The following SPATA13 variants were observed in gnomAD, a reference collection of about 807,000 sequenced individuals.
SPATA13 encodes spermatogenesis associated 13.
Under a neutral mutation model 104.0 loss-of-function variants are expected in SPATA13, and 50 were observed. The ratio of observed to expected loss-of-function variants is 0.48; its 90% CI spans 0.38 to 0.61. The LOEUF (loss-of-function observed/expected upper bound fraction) is 0.61, where lower values mean the gene tolerates loss of function less well. SPATA13 is among the 20% of genes least tolerant of loss of function. The pLI is 0.00. For synonymous variants in SPATA13, 606 were observed against 667.5 expected, an observed-to-expected ratio of 0.91 and a Z score of 1.42; for missense variants, 1,524 against 1,690.6, an observed-to-expected ratio of 0.90 and a Z score of 1.73.
At position 24,088,873 on chromosome 13, in the gene SPATA13, G is replaced by A. The variant is rs185032980; in HGVS notation, c.-112+71172G>A. On this transcript the variant is annotated intron_variant, in intron 3 of 14. Coordinates refer to the SPATA13 transcript ENST00000424834. The surrounding 1 kb of genome is among the most constrained non-coding windows in gnomAD (Gnocchi z 4.3). ...TCCCCAAGGCTGGCTCCAGGAAAGC[G>A]CAAGCAAGGGCTCCTGGGTCCACTG... 1.8e-4 allele frequency among the ~76,000 whole-genome samples: 28 copies of A among 152,308 alleles called. No homozygotes were observed. The highest frequency in any genetic ancestry group is 1.5e-3 in the East Asian group (8 of 5,184).
intron 2 of SPATA13, among the ~76,000 whole-genome samples, chr13:24,242,010 G>A (rs138868746): frequency 5.1e-4 from 77 of 151,514 alleles, no homozygotes; most frequent in African/African-American, 1.8e-3. Flanking sequence ...CACAGATCGC[G>A]CTACTTACTT....
chr13:24,253,809 GGAAACAT>G (rs532320061), intron 4 of SPATA13, among the ~76,000 whole-genome samples: 74 of 152,230 alleles, frequency 4.9e-4, no homozygotes, highest in African/African-American at 1.7e-3. Context: ...AAGACAGGCA[GGAAACAT>G]GATGTGTCTG....
chr13:24,125,770 G>C (rs1566113065), intron 3 of SPATA13, among the ~76,000 whole-genome samples: 2 of 152,122 alleles, frequency 1.3e-5, no homozygotes, highest in Non-Finnish European at 2.9e-5. Flanking sequence ...CTTTGAAGGA[G>C]CAAAAAGGAA....
chr13:24,157,466 T>A (rs568627448), upstream of SPATA13, among the ~76,000 whole-genome samples: 82 of 151,892 alleles, frequency 5.4e-4, 1 homozygote, highest in East Asian at 0.014. Flanking sequence ...GCCCGGCTAA[T>A]TTTTTTTGTA....
At chr13:24,237,757 G>A (rs1872635406) in intron 2 of SPATA13, among the ~76,000 whole-genome samples, 1 of 151,896 alleles carries the variant, frequency 6.6e-6, no homozygotes, top group Non-Finnish European at 1.5e-5. Flanking sequence ...TTGAGGCCAA[G>A]AGTCTGAGAC....
intron 2 of SPATA13, among the ~76,000 whole-genome samples, chr13:24,238,977 A>T (rs1225724387): frequency 6.6e-6 from 1 of 152,086 alleles, no homozygotes; most frequent in Non-Finnish European, 1.5e-5. Context: ...ATGTGGCCCG[A>T]GTGTCTGTGG....
At chr13:24,236,726 A>G (rs558694185) in intron 2 of SPATA13, among the ~76,000 whole-genome samples, 2 of 152,214 alleles carry the variant, frequency 1.3e-5, no homozygotes, top group African/African-American at 2.4e-5. Flanking sequence ...AATGGCTACT[A>G]TAAAAAAAAT....
In SPATA13 at chr13:24,223,091, C is replaced by T. The variant is rs1426258507; in HGVS notation, c.162C>T (p.Cys54=). ...CGTGTGGAAATGGAGTCTGTGGCTGCAGCCCTGGTGGCGACACGGACACCC... is the reference window on the plus strand; with the variant it reads ...CGTGTGGAAATGGAGTCTGTGGCTGTAGCCCTGGTGGCGACACGGACACCC... ...SLACGNGVCG[C]SPGGDTDTQE... is the part of the protein sequence containing the mutation. The change falls in exon 2 of 13, where the codon TGC becomes TGT. Residue 54 remains cysteine, a synonymous_variant. Transcript: ENST00000382108. The T allele has an allele frequency of 6.4e-7, 1 of 1,551,732 alleles. No homozygotes were observed. The highest frequency in any genetic ancestry group is 1.4e-5 in the African/African-American group (1 of 73,186).
Position 24,011,153 on chromosome 13 carries a change from G to A in SPATA13, c.-146-6514G>A, listed in dbSNP as rs529886823. Among the ~76,000 whole-genome samples the A allele has an allele frequency of 3.2e-4, 48 of 152,104 alleles. No homozygotes were observed. The highest frequency in any genetic ancestry group is 1.1e-3 in the African/African-American group (44 of 41,420). ...CCCTCCCTGTAGAGCCACACTGCAG[G>A]AAAACAAGGCTGCTTCAGCCCAGCG... On this transcript the variant is annotated intron_variant, in intron 2 of 14. Transcript: ENST00000424834. This position sits in a 1 kb window ranked among gnomAD's most constrained non-coding sequence, Gnocchi z 4.3.
At chr13:24,184,104 A>T (rs1868995054) in intron 1 of SPATA13, among the ~76,000 whole-genome samples, 1 of 152,132 alleles carries the variant, frequency 6.6e-6, no homozygotes, top group African/African-American at 2.4e-5. Context: ...TAACAGAGCT[A>T]TGAGGGCTTC....
intron 4 of SPATA13, among the ~76,000 whole-genome samples, chr13:24,256,969 G>A (rs1303448444): frequency 6.6e-6 from 1 of 152,248 alleles, no homozygotes; most frequent in Admixed American, 6.5e-5. Flanking sequence ...TATCTTTGCC[G>A]CCTTTGCTTT....
chr13:24,116,321 C>G (rs1321524797), intron 3 of SPATA13, among the ~76,000 whole-genome samples: 4 of 152,310 alleles, frequency 2.6e-5, no homozygotes, highest in South Asian at 2.1e-4. Context: ...TTTCATGACT[C>G]ATCACTCCGC....
intron 3 of SPATA13, among the ~76,000 whole-genome samples, chr13:24,147,180 A>G (rs17080197): frequency 0.23 from 34,863 of 151,998 alleles, 4,242 homozygotes; most frequent in African/African-American, 0.31. Flanking sequence ...TTTCAAGAAG[A>G]CTACTCTGAT....
At chr13:24,197,820 A>G (rs1204716483) in intron 1 of SPATA13, among the ~76,000 whole-genome samples, 2 of 152,080 alleles carry the variant, frequency 1.3e-5, no homozygotes. Flanking sequence ...AATTACTAGG[A>G]TGCCTTAGAC....
intron 3 of SPATA13, among the ~76,000 whole-genome samples, chr13:24,029,583 C>T (rs12430586): frequency 0.36 from 55,346 of 151,996 alleles, 10,327 homozygotes; most frequent in East Asian, 0.61. Context: ...ATAGACTGTT[C>T]TGTAGAGCAT....
intron 3 of SPATA13, among the ~76,000 whole-genome samples, chr13:24,151,727 A>G (rs950816767): frequency 6.6e-6 from 1 of 152,214 alleles, no homozygotes; most frequent in African/African-American, 2.4e-5. Context: ...TAAAATGGTA[A>G]TATTAGCAGT....
chr13:24,227,312 G>A (rs1007584210), intron 2 of SPATA13, among the ~76,000 whole-genome samples: 1 of 152,044 alleles, frequency 6.6e-6, no homozygotes, highest in Non-Finnish European at 1.5e-5. Context: ...TTATTCCTGA[G>A]AACCTGTTAA....
chr13:24,123,533 T>A (rs1881110511), intron 3 of SPATA13: 4 of 1,611,544 alleles, frequency 2.5e-6, no homozygotes, highest in Admixed American at 1.7e-5. Flanking sequence ...GGTCAGCATT[T>A]GGTTCTGTAA....
At chr13:24,117,708 T>C (rs973483291) in intron 3 of SPATA13, among the ~76,000 whole-genome samples, 6 of 152,224 alleles carry the variant, frequency 3.9e-5, no homozygotes, top group Non-Finnish European at 5.9e-5. Flanking sequence ...AACTCATTCC[T>C]TTACTCTGAT....
Sources: gnomAD v4.1 joint callset for allele counts (sites outside exome capture counted in the v4.1 genomes callset) on GRCh38, gnomAD v4.1.1 for gene constraint, Gnocchi (gnomAD v3.1) non-coding constraint, MANE v1.5 for transcripts, NCBI Gene and HGNC (gene_info 2026-07-23, HGNC 2026-07-21) for gene names.